Variants in GABRG3 observed in about 807,000 individuals in gnomAD.
GABRG3 encodes the protein gamma-aminobutyric acid receptor subunit gamma-3.
In GABRG3, 25 loss-of-function variants were observed where a neutral mutation model predicts 48.8. The observed-to-expected ratio is 0.51, with a 90% CI of 0.37 to 0.72. The LOEUF (loss-of-function observed/expected upper bound fraction) is 0.72, where lower values mean the gene tolerates loss of function less well. Among genes scored for constraint, GABRG3 ranks in the 30% least tolerant of loss-of-function variants. GABRG3 has a pLI of 0.00. For missense variants in GABRG3, 394 were observed against 577.9 expected, an observed-to-expected ratio of 0.68 and a Z score of 3.26; for synonymous variants, 227 against 217.6, an observed-to-expected ratio of 1.04 and a Z score of -0.38.
intron 3 of GABRG3, among the ~76,000 whole-genome samples, chr15:27,138,349 T>C (rs1044811662): frequency 2.6e-5 from 4 of 152,202 alleles, no homozygotes; most frequent in African/African-American, 9.7e-5. Flanking sequence ...CACGTAAATA[T>C]GGTTCACTCT....
chr15:27,198,442 T>C (rs1697548139), intron 3 of GABRG3, among the ~76,000 whole-genome samples: 1 of 152,146 alleles, frequency 6.6e-6, no homozygotes, highest in South Asian at 2.1e-4. Flanking sequence ...AAAACCACAA[T>C]GTGGTACCAT....
At chr15:27,405,716 G>C (rs1887610251) in intron 5 of GABRG3, among the ~76,000 whole-genome samples, 1 of 152,140 alleles carries the variant, frequency 6.6e-6, no homozygotes, top group African/African-American at 2.4e-5. Context: ...GTGTGTGTTT[G>C]TGTGCTGAGA....
chr15:27,147,164 A>C (rs1186221706), intron 3 of GABRG3, among the ~76,000 whole-genome samples: 2 of 152,076 alleles, frequency 1.3e-5, no homozygotes, highest in Non-Finnish European at 2.9e-5. Flanking sequence ...AGTAGACTTT[A>C]ACACTATAGG....
chr15:27,435,973 A>G (rs990251526), intron 5 of GABRG3, among the ~76,000 whole-genome samples: 1 of 152,168 alleles, frequency 6.6e-6, no homozygotes, highest in African/African-American at 2.4e-5. Flanking sequence ...AGGTGATGGG[A>G]CTTTGTTCAA....
intron 3 of GABRG3, among the ~76,000 whole-genome samples, chr15:27,055,830 A>G (rs1289411967): frequency 1.3e-5 from 2 of 152,218 alleles, no homozygotes; most frequent in African/African-American, 4.8e-5. Flanking sequence ...AAGCATTCTC[A>G]AAAGTCATTG....
At chr15:27,489,367 G>T (rs188301945) in intron 6 of GABRG3, among the ~76,000 whole-genome samples, 43 of 152,308 alleles carry the variant, frequency 2.8e-4, no homozygotes, top group African/African-American at 1.0e-3. Flanking sequence ...ATAGTAGAAT[G>T]ATTTATAATC....
chr15:27,366,642 G>A (rs1895210198), intron 5 of GABRG3, among the ~76,000 whole-genome samples: 1 of 151,994 alleles, frequency 6.6e-6, no homozygotes, highest in South Asian at 2.1e-4. Context: ...GTGTCTTCAC[G>A]GGGGTGAGAG....
chr15:27,255,176 C>A (rs1367960227), intron 3 of GABRG3, among the ~76,000 whole-genome samples: 1 of 152,214 alleles, frequency 6.6e-6, no homozygotes, highest in Non-Finnish European at 1.5e-5. Flanking sequence ...TTGCACTCCT[C>A]CCCACAGGGC....
At chr15:27,381,094 T>G (rs1203418888) in intron 5 of GABRG3, among the ~76,000 whole-genome samples, 1 of 152,112 alleles carries the variant, frequency 6.6e-6, no homozygotes, top group Non-Finnish European at 1.5e-5. Context: ...GTGTCAGTCT[T>G]TTATCAAGCC....
chr15:27,132,491 T>G (rs1442742590), intron 3 of GABRG3, among the ~76,000 whole-genome samples: 1 of 147,380 alleles, frequency 6.8e-6, no homozygotes, highest in Non-Finnish European at 1.5e-5. Flanking sequence ...TTTTTTTTTT[T>G]TTTTTTTTTG....
chr15:27,388,158 GA>G (rs1896036211), intron 5 of GABRG3, among the ~76,000 whole-genome samples: 1 of 70,922 alleles, frequency 1.4e-5, no homozygotes, highest in Non-Finnish European at 2.6e-5. Context: ...AAGGAAGGAA[GA>G]AAGGAAGGAA....
chr15:27,128,510 A>G (rs1897860797), intron 3 of GABRG3, among the ~76,000 whole-genome samples: 2 of 152,248 alleles, frequency 1.3e-5, no homozygotes, highest in South Asian at 4.1e-4. Flanking sequence ...AGCTGCAGCC[A>G]GCATGGCTTC....
chr15:27,080,018 G>A (rs1218889258), intron 3 of GABRG3, among the ~76,000 whole-genome samples: 2 of 152,146 alleles, frequency 1.3e-5, no homozygotes, highest in East Asian at 3.9e-4. Context: ...CAGGGGAAAT[G>A]CCAGCTGATC....
chr15:27,529,556 C>T (rs1218902008), intron 9 of GABRG3, among the ~76,000 whole-genome samples: 1 of 152,174 alleles, frequency 6.6e-6, no homozygotes, highest in Non-Finnish European at 1.5e-5. Flanking sequence ...AGCGCACTTC[C>T]AGCCCATTGT....
At position 27,541,561 on chromosome 15, in the gene GABRG3, A is replaced by G. The variant is rs757844292; in HGVS notation, c.*8680A>G. The G allele has an allele frequency of 1.3e-5, 2 of 152,294 alleles. No homozygotes were observed. The highest frequency in any genetic ancestry group is 2.4e-5 in the African/African-American group (1 of 41,480). 9.4% of individuals were successfully genotyped at this position (152,294 alleles called of 1,614,324 possible). A position where few individuals can be genotyped will look rare whatever the true frequency, so the allele number is the denominator to read the frequency against. The stretch of plus-strand genomic sequence containing the variant: ...CAGAATCCGAAAACATTTTGGAATC[A>G]TCTTAGAGCACCGGTGTGGATGCGC... On this transcript the variant is annotated 3_prime_UTR_variant, in exon 10 of 10. Coordinates refer to ENST00000615808, the MANE Select transcript of GABRG3 (RefSeq NM_033223.5).
intron 2 of GABRG3, among the ~76,000 whole-genome samples, chr15:27,023,138 A>G (rs1595478080): frequency 1.3e-5 from 2 of 152,346 alleles, no homozygotes; most frequent in East Asian, 1.9e-4. Context: ...AACCGAATGT[A>G]TGGGACTCAG....
intron 6 of GABRG3, among the ~76,000 whole-genome samples, chr15:27,514,656 G>A (rs998350385): frequency 1.3e-5 from 2 of 152,170 alleles, no homozygotes; most frequent in South Asian, 4.1e-4. Flanking sequence ...AACCAAATCA[G>A]GTTTTGCCCA....
intron 3 of GABRG3, among the ~76,000 whole-genome samples, chr15:27,307,825 C>CAAACATATATAAA (rs1566772094): frequency 0.12 from 4,740 of 38,682 alleles, 372 homozygotes; most frequent in African/African-American, 0.31. Context: ...ATAAAATAAA[C>CAAACATATATAAA]ATAAACATAT....
intron 3 of GABRG3, among the ~76,000 whole-genome samples, chr15:27,123,497 A>G (rs1041646576): frequency 1.3e-5 from 2 of 152,222 alleles, no homozygotes; most frequent in African/African-American, 2.4e-5. Context: ...CAGACACCTC[A>G]TCTGCTGGAG....
Sources: allele counts gnomAD v4.1 joint callset (sites outside exome capture counted in the v4.1 genomes callset), GRCh38; gene constraint gnomAD v4.1.1; transcripts MANE v1.5; gene names NCBI Gene and HGNC (gene_info 2026-07-23, HGNC 2026-07-21).